RAD23B: variants seen among roughly 807,000 people sequenced by gnomAD.
The protein encoded by RAD23B is lysine-specific demethylase RAD23B.
RAD23B carries 5 observed loss-of-function variants against 49.1 expected under a neutral mutation model. The observed-to-expected ratio is 0.10, with a 90% CI of 0.05 to 0.21. The LOEUF (loss-of-function observed/expected upper bound fraction) is 0.21, where lower values mean the gene tolerates loss of function less well. Among genes scored for constraint, RAD23B ranks in the 10% least tolerant of loss-of-function variants. RAD23B has a pLI of 1.00. For synonymous variants in RAD23B, 184 were observed against 165.4 expected (o/e 1.11, Z -0.86); for missense variants, 356 against 486.7 (o/e 0.73, Z 2.53).
intron 4 of RAD23B, among the ~76,000 whole-genome samples, chr9:107,310,291 AG>A (rs1365243506): frequency 6.6e-6 from 1 of 152,236 alleles, no homozygotes; most frequent in Non-Finnish European, 1.5e-5. Context: ...AGGAAACAAA[AG>A]AATAGTCTTC....
intron 5 of RAD23B, among the ~76,000 whole-genome samples, chr9:107,313,154 A>C (rs1826922489): frequency 6.6e-6 from 1 of 151,522 alleles, no homozygotes; most frequent in Non-Finnish European, 1.5e-5. Flanking sequence ...CCTGATCCAT[A>C]CCTCAGGCTC....
At chr9:107,285,008 T>C in intron 1 of RAD23B, 2 of 1,235,022 alleles carry the variant, frequency 1.6e-6, no homozygotes, top group Non-Finnish European at 2.1e-6. Flanking sequence ...ACTTATCTCA[T>C]TTAATCTTAA....
intron 1 of RAD23B, among the ~76,000 whole-genome samples, chr9:107,299,051 A>C (rs374129169): frequency 1.3e-5 from 2 of 152,068 alleles, no homozygotes; most frequent in Non-Finnish European, 1.5e-5. Flanking sequence ...TAACCTCTTT[A>C]TTTCCGTCTC....
intron 9 of RAD23B, 163 bp downstream of exon 9, chr9:107,325,167 T>G (rs990444610): frequency 2.0e-6 from 1 of 509,554 alleles, no homozygotes; most frequent in Non-Finnish European, 3.4e-6. Context: ...ATACAAAAAT[T>G]AGCTGGCGTG....
At chr9:107,294,426 A>G (rs1372556842) in intron 1 of RAD23B, among the ~76,000 whole-genome samples, 1 of 152,040 alleles carries the variant, frequency 6.6e-6, no homozygotes, top group Non-Finnish European at 1.5e-5. Flanking sequence ...GTTTATATTC[A>G]CTCTGTTGAG....
At chr9:107,311,235 A>C (rs1245446977) in intron 4 of RAD23B, among the ~76,000 whole-genome samples, 1 of 152,176 alleles carries the variant, frequency 6.6e-6, no homozygotes, top group Admixed American at 6.5e-5. Context: ...GAACTTACCT[A>C]TAAGACTTCA....
intron 5 of RAD23B, 71 bp downstream of exon 5, chr9:107,311,808 G>A: frequency 1.7e-6 from 2 of 1,159,620 alleles, no homozygotes. Flanking sequence ...TCTAGATCAT[G>A]ATAAAAGTGT....
In RAD23B at chr9:107,319,128, C is replaced by CTTTTTTTTTTTT. The variant is rs56891354; in HGVS notation, c.681+258_681+269dup. ...TATTCAGAACAAAAATTTCTTTTTT[C>CTTTTTTTTTTTT]TTTTTTTTTTTTTTTTTTTTGAGAC... On this transcript the variant is annotated intron_variant, in intron 6 of 9. Transcript: ENST00000358015. Among the ~76,000 whole-genome samples, 854 of 97,780 alleles carry CTTTTTTTTTTTT rather than the reference C, an allele frequency of 8.7e-3. 19 individuals carry two copies. The highest frequency in any genetic ancestry group is 0.011 in the Non-Finnish European group (543 of 51,690). The allele number at this position is 97,780 out of a possible 152,430, so 64.1% of individuals were successfully genotyped here.
chr9:107,307,146 C>T (rs944629117), intron 4 of RAD23B, among the ~76,000 whole-genome samples: 4 of 152,064 alleles, frequency 2.6e-5, no homozygotes, highest in African/African-American at 9.7e-5. Flanking sequence ...TGGACTATTT[C>T]AGTTTTTCAC....
In RAD23B at chr9:107,318,918, AAG is replaced by A. The variant is rs776405334; in HGVS notation, c.681+41_681+42del. The A allele has an allele frequency of 8.9e-6, 14 of 1,566,302 alleles. No homozygotes were observed. The highest frequency in any genetic ancestry group is 1.2e-5 in the Non-Finnish European group (14 of 1,147,390). ...TTTACTTTACTCCATTCTGTTGTTT[AAG>A]ATTAAAATCTCAAAGAAACAGATTT... is the stretch of plus-strand genomic sequence containing the variant. On this transcript the variant is annotated intron_variant, in intron 6 of 9. Coordinates refer to ENST00000358015, the MANE Select transcript of RAD23B (RefSeq NM_002874.5). The surrounding 1 kb of genome is among the most constrained non-coding windows in gnomAD (Gnocchi z 4.3).
At chr9:107,308,122 A>T (rs533808935) in intron 4 of RAD23B, among the ~76,000 whole-genome samples, 147 of 130,106 alleles carry the variant, frequency 1.1e-3, no homozygotes, top group South Asian at 8.7e-3. Flanking sequence ...GCTCCTTTTT[A>T]AAAAAAAAAA....
chr9:107,293,643 TTAAC>T (rs986394753), intron 1 of RAD23B, among the ~76,000 whole-genome samples: 2 of 152,156 alleles, frequency 1.3e-5, no homozygotes, highest in Non-Finnish European at 2.9e-5. Flanking sequence ...GCTGACCTAA[TTAAC>T]AAGCAGTAGC....
intron 1 of RAD23B, chr9:107,284,545 C>G (rs1357506444): frequency 5.0e-6 from 1 of 198,718 alleles, no homozygotes; most frequent in East Asian, 1.8e-4. Flanking sequence ...AAGCCTTAAA[C>G]ATTTCAGAAG....
intron 1 of RAD23B, among the ~76,000 whole-genome samples, chr9:107,288,887 T>A (rs1833327069): frequency 6.6e-6 from 1 of 152,120 alleles, no homozygotes; most frequent in Non-Finnish European, 1.5e-5. Context: ...GGGTAAGAGA[T>A]AAGGGTGAGT....
At position 107,296,553 on chromosome 9, in the gene RAD23B, C is replaced by T. The variant is rs564219998; in HGVS notation, c.67-3588C>T. Among the ~76,000 whole-genome samples, 34 of 151,254 alleles carry T rather than the reference C, an allele frequency of 2.2e-4. 1 individual carries two copies. In the South Asian group the frequency reaches 6.4e-3, roughly 29 times the overall value. On this transcript the variant is annotated intron_variant, in intron 1 of 9. Coordinates refer to ENST00000358015, the MANE Select transcript of RAD23B (RefSeq NM_002874.5). ...TATTAGTGCAAAAACAGTTTTGTGC[C>T]TTGTCTCTCTCTCTTTTTTTTTTTC...
Position 107,331,659 on chromosome 9 carries a change from GTCTAC to G in RAD23B, c.*2006_*2010del. On this transcript the variant is annotated 3_prime_UTR_variant, in exon 10 of 10. Transcript: ENST00000358015. ...TCTCATTTATTTTATGACATTCTCTGTCTACTCAGATCATAGTGAAAACTGGAAAC... is the reference window on the plus strand; with the variant it reads ...TCTCATTTATTTTATGACATTCTCTGTCAGATCATAGTGAAAACTGGAAAC... 2 of 769,708 alleles carry G rather than the reference GTCTAC, an allele frequency of 2.6e-6. No homozygotes were observed. Among genetic ancestry groups the G allele is most frequent in the East Asian group, 2.4e-5 (1 of 41,076 alleles). 47.7% of individuals were successfully genotyped at this position (769,708 alleles called of 1,614,324 possible).
rs1317614669 is a variant in RAD23B, at chr9:107,330,527, T to C, written c.*871T>C. 1 of 152,624 alleles carries C rather than the reference T, an allele frequency of 6.6e-6. No individual in the cohort carries two copies. Among genetic ancestry groups the C allele is most frequent in the Non-Finnish European group, 1.5e-5 (1 of 68,036 alleles). The allele number at this position is 152,624 out of a possible 1,614,324, so 9.5% of individuals were successfully genotyped here. A position where few individuals can be genotyped will look rare whatever the true frequency, so the allele number is the denominator to read the frequency against. ...CAATGGAGAAATGCAGCATTCACTC[T>C]CCCTGTCTTTTCCCCTTCCCTCAGC... On this transcript the variant is annotated 3_prime_UTR_variant, in exon 10 of 10. Transcript: ENST00000358015. The surrounding 1 kb of genome is among the most constrained non-coding windows in gnomAD (Gnocchi z 4.4).
chr9:107,316,856 G>C (rs1827007863), intron 5 of RAD23B, among the ~76,000 whole-genome samples: 1 of 151,734 alleles, frequency 6.6e-6, no homozygotes, highest in African/African-American at 2.4e-5. Context: ...TTAACACAAA[G>C]GGCTTCCCTA....
chr9:107,306,059 A>ATATATAGATATATATAAATATG, intron 3 of RAD23B, among the ~76,000 whole-genome samples: 1 of 114,832 alleles, frequency 8.7e-6, no homozygotes, highest in Non-Finnish European at 1.7e-5. Flanking sequence ...ATCTATATAT[A>ATATATAGATATATATAAATATG]TATATATATA....
Sources: allele counts gnomAD v4.1 joint callset (sites outside exome capture counted in the v4.1 genomes callset), GRCh38; gene constraint gnomAD v4.1.1; non-coding constraint Gnocchi (gnomAD v3.1); transcripts MANE v1.5; gene names NCBI Gene and HGNC (gene_info 2026-07-23, HGNC 2026-07-21).